GPM6A: variants seen among roughly 807,000 people sequenced by gnomAD.
GPM6A encodes neuronal membrane glycoprotein M6-a.
A neutral mutation model predicts 32.1 loss-of-function variants in GPM6A; 7 were observed. The observed-to-expected ratio is 0.22, with a 90% CI of 0.12 to 0.41. GPM6A has a LOEUF of 0.41. GPM6A is among the 10% of genes least tolerant of loss of function. The pLI, the probability that GPM6A is intolerant of heterozygous loss-of-function variation, is 1.00. For synonymous variants in GPM6A, 130 were observed against 123.4 expected (o/e 1.05, Z -0.35); for missense variants, 235 against 347.2 (o/e 0.68, Z 2.57).
intron 4 of GPM6A, among the ~76,000 whole-genome samples, chr4:175,643,205 C>T (rs560014014): frequency 1.3e-5 from 2 of 152,302 alleles, no homozygotes; most frequent in East Asian, 3.9e-4. Flanking sequence ...TCTACCCTTC[C>T]TACAAACCAT....
At chr4:175,755,400 A>G (rs1732489195) in intron 1 of GPM6A, among the ~76,000 whole-genome samples, 1 of 152,204 alleles carries the variant, frequency 6.6e-6, no homozygotes, top group African/African-American at 2.4e-5. Flanking sequence ...AAGACTAAAC[A>G]TAAAATTTAC....
chr4:175,782,639 A>G (rs1211349174), intron 1 of GPM6A, among the ~76,000 whole-genome samples: 2 of 152,178 alleles, frequency 1.3e-5, no homozygotes, highest in Non-Finnish European at 2.9e-5. Context: ...ATTAACTAGT[A>G]GAAACACAAG....
At chr4:175,671,031 T>G (rs1743032419) in intron 3 of GPM6A, among the ~76,000 whole-genome samples, 1 of 151,794 alleles carries the variant, frequency 6.6e-6, no homozygotes, top group African/African-American at 2.4e-5. Context: ...GCCCGGCTAA[T>G]TTTTTTATTT....
intron 1 of GPM6A, among the ~76,000 whole-genome samples, chr4:175,710,027 C>CA: frequency 6.6e-6 from 1 of 151,988 alleles, no homozygotes; most frequent in Non-Finnish European, 1.5e-5. Flanking sequence ...ACACAAAGAC[C>CA]AAAAAGTGCA....
intron 1 of GPM6A, among the ~76,000 whole-genome samples, chr4:175,708,386 T>TATTTATTG (rs1553978407): frequency 1.6e-4 from 24 of 151,122 alleles, no homozygotes; most frequent in Non-Finnish European, 3.4e-4. Flanking sequence ...TTTATTTATT[T>TATTTATTG]ATTTATTTAT....
intron 1 of GPM6A, among the ~76,000 whole-genome samples, chr4:175,751,561 G>A (rs1233161297): frequency 2.6e-5 from 4 of 152,094 alleles, no homozygotes; most frequent in South Asian, 2.1e-4. Flanking sequence ...AAGAACACCT[G>A]TATTAACTTG....
chr4:175,994,778 T>C (rs191401898), intron 1 of GPM6A, among the ~76,000 whole-genome samples: 1 of 152,234 alleles, frequency 6.6e-6, no homozygotes, highest in Non-Finnish European at 1.5e-5. Flanking sequence ...CTTCCTTTCA[T>C]GAAAGATTTC....
intron 1 of GPM6A, among the ~76,000 whole-genome samples, chr4:175,823,282 G>A (rs1032106627): frequency 6.6e-6 from 1 of 152,142 alleles, no homozygotes; most frequent in Admixed American, 6.5e-5. Flanking sequence ...TTGAGTAAAG[G>A]CTTAGTGCTA....
upstream of GPM6A, chr4:176,002,366 C>T: frequency 6.4e-7 from 1 of 1,567,196 alleles, no homozygotes. Flanking sequence ...TGACCAGACG[C>T]TGCGCGGGGC....
At chr4:175,952,320 C>T (rs1428201674) in intron 1 of GPM6A, among the ~76,000 whole-genome samples, 4 of 152,160 alleles carry the variant, frequency 2.6e-5, no homozygotes, top group Admixed American at 6.5e-5. Context: ...TTTCTATGTA[C>T]ACTTCAAAGC....
intron 1 of GPM6A, among the ~76,000 whole-genome samples, chr4:175,994,328 G>C (rs1334026583): frequency 6.6e-6 from 1 of 152,144 alleles, no homozygotes. Flanking sequence ...GTAGCTCTTG[G>C]TAATATTAGG....
intron 2 of GPM6A, among the ~76,000 whole-genome samples, chr4:175,679,517 C>A (rs1222838505): frequency 6.6e-6 from 1 of 152,076 alleles, no homozygotes; most frequent in Non-Finnish European, 1.5e-5. Flanking sequence ...CATCTTGCTC[C>A]CGGTCAAAAC....
Position 175,965,324 on chromosome 4 carries a change from T to C in GPM6A, c.-23+36985A>G, listed in dbSNP as rs532652795. On this transcript the variant is annotated intron_variant, in intron 1 of 7. Transcript: ENST00000280187. ...AAAAATTTACATAATTGAATGCATA[T>C]ATTAGAAAAAAAGAAAGATAGAAAA... Among the ~76,000 whole-genome samples the C allele has an allele frequency of 3.2e-4, 48 of 151,842 alleles. 2 individuals carry two copies. In the South Asian group the frequency reaches 9.1e-3, roughly 29 times the overall value.
At chr4:175,916,946 T>C (rs1279934353) in intron 1 of GPM6A, among the ~76,000 whole-genome samples, 1 of 152,196 alleles carries the variant, frequency 6.6e-6, no homozygotes, top group Non-Finnish European at 1.5e-5. Flanking sequence ...AAACATCTTT[T>C]TATACCCCCA....
At chr4:175,802,633 T>C (rs1334769962) in intron 1 of GPM6A, among the ~76,000 whole-genome samples, 1 of 152,128 alleles carries the variant, frequency 6.6e-6, no homozygotes, top group African/African-American at 2.4e-5. Context: ...TCCTCAATGA[T>C]TTCAAACTGT....
chr4:175,798,757 T>C (rs1734339251), intron 1 of GPM6A: 2 of 152,326 alleles, frequency 1.3e-5, no homozygotes, highest in South Asian at 4.2e-4. Context: ...GTCGATTCTT[T>C]TTCAGAACAA....
chr4:175,918,124 T>G (rs941748254), intron 1 of GPM6A, among the ~76,000 whole-genome samples: 2 of 151,260 alleles, frequency 1.3e-5, no homozygotes, highest in African/African-American at 2.4e-5. Context: ...ACGCATAACT[T>G]AAAAACCTGA....
intron 1 of GPM6A, among the ~76,000 whole-genome samples, chr4:175,982,578 G>C (rs1740849981): frequency 6.6e-6 from 1 of 152,094 alleles, no homozygotes; most frequent in African/African-American, 2.4e-5. Context: ...TTTATCTCTA[G>C]AGTTTGTTCT....
intron 1 of GPM6A, among the ~76,000 whole-genome samples, chr4:175,833,880 A>G (rs997992565): frequency 3.9e-5 from 6 of 152,266 alleles, no homozygotes; most frequent in African/African-American, 1.2e-4. Context: ...AAGCCCTTAC[A>G]TGAGTCAGTA....
Sources: gnomAD v4.1 joint callset for allele counts (sites outside exome capture counted in the v4.1 genomes callset) on GRCh38, gnomAD v4.1.1 for gene constraint, MANE v1.5 for transcripts, NCBI Gene and HGNC (gene_info 2026-07-23, HGNC 2026-07-21) for gene names.